The following PSIP1 variants were observed in gnomAD, a reference collection of about 807,000 sequenced individuals.
PSIP1 encodes PC4 and SFRS1-interacting protein.
In PSIP1, 19 loss-of-function variants were observed where a neutral mutation model predicts 74.7. The observed-to-expected ratio is 0.25, with a 90% CI of 0.18 to 0.37. The LOEUF is 0.37. Ranked by LOEUF, PSIP1 falls within the 10% of genes least tolerant of loss-of-function variation. PSIP1 has a pLI of 1.00. For synonymous variants in PSIP1, 222 were observed against 195.3 expected (o/e 1.14, Z -1.14); for missense variants, 601 against 614.3 (o/e 0.98, Z 0.23).
At chr9:15,509,968 G>T in intron 2 of PSIP1, 149 bp downstream of exon 2, 1 of 667,334 alleles carries the variant, frequency 1.5e-6, no homozygotes. Context: ...GAGATTATTG[G>T]GCAAAAAACT....
At chr9:15,482,022 C>A (rs28497163) in intron 6 of PSIP1, among the ~76,000 whole-genome samples, 11,841 of 152,116 alleles carry the variant, frequency 0.078, 669 homozygotes, top group African/African-American at 0.17. Context: ...AGATTTATTT[C>A]TTCCATATTT....
chr9:15,478,363 C>CA, intron 8 of PSIP1, 114 bp downstream of exon 8: 2 of 899,234 alleles, frequency 2.2e-6, no homozygotes, highest in Non-Finnish European at 3.4e-6. Context: ...TAAGAAAGAT[C>CA]AAAATAATAA....
intron 8 of PSIP1, among the ~76,000 whole-genome samples, chr9:15,475,711 GTGTGAAATAATCTT>G (rs1330842803): frequency 2.0e-5 from 3 of 152,076 alleles, no homozygotes; most frequent in African/African-American, 4.8e-5. Flanking sequence ...TTATTTCAAG[GTGTGAAATAATCTT>G]TGTGCCAAAA....
At chr9:15,498,699 G>A (rs939664438) in intron 3 of PSIP1, among the ~76,000 whole-genome samples, 1 of 151,830 alleles carries the variant, frequency 6.6e-6, no homozygotes, top group Non-Finnish European at 1.5e-5. Context: ...AGTAAATGCA[G>A]GATATAATTA....
At chr9:15,490,724 G>T (rs1307111988) in intron 3 of PSIP1, among the ~76,000 whole-genome samples, 1 of 148,444 alleles carries the variant, frequency 6.7e-6, no homozygotes, top group Non-Finnish European at 1.5e-5. Flanking sequence ...CAATAAATTT[G>T]GGTTTTTTTA....
chr9:15,502,209 A>G (rs2037381761), intron 3 of PSIP1, among the ~76,000 whole-genome samples: 1 of 152,202 alleles, frequency 6.6e-6, no homozygotes, highest in African/African-American at 2.4e-5. Flanking sequence ...TCTCTAGATC[A>G]CTTATAATAC....
In PSIP1 at chr9:15,489,787, G is replaced by C. The variant is rs770075726; in HGVS notation, c.288+199C>G. Among the ~76,000 whole-genome samples the C allele has an allele frequency of 5.9e-4, 89 of 152,130 alleles. 2 individuals carry two copies. The highest frequency in any genetic ancestry group is 1.9e-4 in the Non-Finnish European group (13 of 67,984). ...AACTGAATAGTTCCCAGTTTCTTGA[G>C]ATCTGTTTAACTACATAAAATAATG... On this transcript the variant is annotated intron_variant, in intron 4 of 15. Coordinates refer to ENST00000380733, the MANE Select transcript of PSIP1 (RefSeq NM_033222.5).
At position 15,492,515 on chromosome 9, in the gene PSIP1, C is replaced by A. The variant is rs761253746; in HGVS notation, c.150-2391G>T. On this transcript the variant is annotated intron_variant, in intron 3 of 15. Transcript: ENST00000380733. ...CCCGCCTCAGGCTGGTGTTGAATGT[C>A]TGCAGCTTTTCCAGGTGCATGGTGC... Among the ~76,000 whole-genome samples, 45 of 152,188 alleles carry A rather than the reference C, an allele frequency of 3.0e-4. 1 individual carries two copies. The highest frequency in any genetic ancestry group is 7.4e-5 in the Non-Finnish European group (5 of 68,024).
intron 3 of PSIP1, among the ~76,000 whole-genome samples, chr9:15,499,222 A>G (rs949346223): frequency 6.6e-6 from 1 of 152,216 alleles, no homozygotes; most frequent in Admixed American, 6.5e-5. Flanking sequence ...AGTCTTTGAA[A>G]CATCTCCTAA....
chr9:15,471,016 A>G (rs1323455919), intron 10 of PSIP1: 6 of 1,411,526 alleles, frequency 4.3e-6, no homozygotes, highest in East Asian at 5.1e-5. Context: ...TTTGTTAATC[A>G]TAACACAGTA....
At chr9:15,507,367 C>T (rs1004819530) in intron 2 of PSIP1, among the ~76,000 whole-genome samples, 9 of 152,082 alleles carry the variant, frequency 5.9e-5, no homozygotes, top group Non-Finnish European at 1.0e-4. Flanking sequence ...AACAACATGT[C>T]GGCCAGGCGC....
In PSIP1 at chr9:15,486,039, A is replaced by C. The variant is rs1265972220; in HGVS notation, c.423T>G (p.Thr141=). ...TTCTCCCCCTTCTGGCAGCTTTTGG[A>C]GTAGTTATGTCAACTGCTTTAGTCA... is the stretch of plus-strand genomic sequence containing the variant. ...EDVTKAVDIT[T]PKAARRGRKR... is the part of the protein sequence containing the mutation. Residue 141 remains threonine (T), a synonymous_variant, in exon 6 of 16, where the codon ACT becomes ACG. Transcript: ENST00000380733. 1 of 1,609,822 alleles carries C rather than the reference A, an allele frequency of 6.2e-7. No homozygotes were observed. Among genetic ancestry groups the C allele is most frequent in the African/African-American group, 1.3e-5 (1 of 74,774 alleles).
chr9:15,484,503 T>A (rs2036474101), intron 6 of PSIP1, among the ~76,000 whole-genome samples: 1 of 151,710 alleles, frequency 6.6e-6, no homozygotes, highest in Non-Finnish European at 1.5e-5. Context: ...GGTGGGTGGA[T>A]CACTTGAGGC....
chr9:15,506,763 A>C lies in PSIP1; in HGVS notation c.73-126T>G, dbSNP rs551652694. On this transcript the variant is annotated intron_variant, in intron 2 of 15. Coordinates refer to ENST00000380733, the MANE Select transcript of PSIP1 (RefSeq NM_033222.5). ...AAATGGGCCAGTTCTGCAGGCCCATAATCTCCTATCCCCAAATCTGAAACC... is the reference window on the plus strand; with the variant it reads ...AAATGGGCCAGTTCTGCAGGCCCATCATCTCCTATCCCCAAATCTGAAACC... 2.0e-5 allele frequency: 13 copies of C among 639,820 alleles called. 1 individual carries two copies. The South Asian group carries it at 3.3e-4, about 16-fold the overall frequency. The allele number at this position is 639,820 out of a possible 1,614,324, so 39.6% of individuals were successfully genotyped here.
chr9:15,471,581 T>C, intron 10 of PSIP1: 2 of 954,498 alleles, frequency 2.1e-6, no homozygotes. Flanking sequence ...AAAGAATAAC[T>C]TAAATATTTA....
At chr9:15,488,294 G>A (rs1446314823) in intron 4 of PSIP1, among the ~76,000 whole-genome samples, 31 of 152,114 alleles carry the variant, frequency 2.0e-4, no homozygotes, top group Non-Finnish European at 4.4e-5. Flanking sequence ...TCACGCCACT[G>A]CACTCCAGCC....
rs1472781333 is a variant in PSIP1, at chr9:15,469,064, T to G, written c.1105-6A>C. Reference sequence around the variant, plus strand: ...TCAATGCATCTGTTCACATCCTTCATGACAAAACAGTAATTTCATAGCTGT... The same window carrying G: ...TCAATGCATCTGTTCACATCCTTCAGGACAAAACAGTAATTTCATAGCTGT... On this transcript the variant is annotated splice_region_variant and splice_polypyrimidine_tract_variant and intron_variant, in intron 12 of 15. Transcript: ENST00000380733. The G allele has an allele frequency of 1.9e-6, 3 of 1,609,384 alleles. No individual in the cohort carries two copies. The highest frequency in any genetic ancestry group is 1.3e-5 in the African/African-American group (1 of 74,770).
chr9:15,476,173 G>A (rs145324841), intron 8 of PSIP1, among the ~76,000 whole-genome samples: 4 of 152,214 alleles, frequency 2.6e-5, no homozygotes, highest in African/African-American at 7.2e-5. Flanking sequence ...CTCAGCCTAC[G>A]CACAGCATGA....
intron 9 of PSIP1, among the ~76,000 whole-genome samples, chr9:15,473,441 A>T (rs528064101): frequency 1.2e-4 from 18 of 152,342 alleles, no homozygotes; most frequent in African/African-American, 4.3e-4. Flanking sequence ...TCCAGATCAT[A>T]ATTGTAAAAT....
Sources: allele counts gnomAD v4.1 joint callset (sites outside exome capture counted in the v4.1 genomes callset), GRCh38; gene constraint gnomAD v4.1.1; transcripts MANE v1.5; gene names NCBI Gene and HGNC (gene_info 2026-07-23, HGNC 2026-07-21).